The following ADAMTS3 variants were observed in gnomAD, a reference collection of about 807,000 sequenced individuals.
ADAMTS3 encodes A disintegrin and metalloproteinase with thrombospondin motifs 3.
Under a neutral mutation model 129.0 loss-of-function variants are expected in ADAMTS3, and 73 were observed. The observed-to-expected ratio is 0.57, with a 90% CI of 0.47 to 0.69. ADAMTS3 has a LOEUF of 0.69. ADAMTS3 is among the 30% of genes least tolerant of loss of function. The probability of loss-of-function intolerance (pLI) is 0.00; values close to 1 mark genes in which losing one functional copy is unlikely to be tolerated. For synonymous variants in ADAMTS3, 477 were observed against 510.8 expected, an observed-to-expected ratio of 0.93 and a Z score of 0.89; for missense variants, 1,457 against 1,514.5, an observed-to-expected ratio of 0.96 and a Z score of 0.63.
intron 2 of ADAMTS3, among the ~76,000 whole-genome samples, chr4:72,556,749 A>G (rs1441092947): frequency 6.6e-6 from 1 of 151,782 alleles, no homozygotes; most frequent in Non-Finnish European, 1.5e-5. Flanking sequence ...AATAAAAATA[A>G]TAATGGGGAC....
chr4:72,501,697 G>A (rs956875203), intron 3 of ADAMTS3, among the ~76,000 whole-genome samples: 13 of 152,014 alleles, frequency 8.6e-5, no homozygotes, highest in African/African-American at 2.7e-4. Flanking sequence ...GTTCTCAAGG[G>A]GAATGCTTCC....
In ADAMTS3 at chr4:72,317,591, G is replaced by C. The variant is rs552025929; in HGVS notation, c.1485+981C>G. ...TGGATTCCATTTAACATATATACGT[G>C]CCTTTCTTGTGCTAAGCACTTTAAT... is the stretch of plus-strand genomic sequence containing the variant. On this transcript the variant is annotated intron_variant, in intron 10 of 21. Coordinates refer to ENST00000286657, the MANE Select transcript of ADAMTS3 (RefSeq NM_014243.3). Among the ~76,000 whole-genome samples, 3 of 151,666 alleles carry C rather than the reference G, an allele frequency of 2.0e-5. No individual in the cohort carries two copies. The East Asian group carries it at 5.8e-4, about 29-fold the overall frequency.
chr4:72,299,700 AGTT>A (rs904886611), intron 17 of ADAMTS3, among the ~76,000 whole-genome samples: 2 of 152,160 alleles, frequency 1.3e-5, no homozygotes, highest in Non-Finnish European at 1.5e-5. Context: ...TCATGATTTT[AGTT>A]GTTATTTATT....
intron 14 of ADAMTS3, 116 bp downstream of exon 14, chr4:72,310,932 C>T: frequency 2.0e-6 from 2 of 983,890 alleles, no homozygotes; most frequent in Admixed American, 2.8e-5. Flanking sequence ...TATTCATAGA[C>T]ACTTACTATA....
intron 4 of ADAMTS3, among the ~76,000 whole-genome samples, chr4:72,357,046 CA>C (rs1456710972): frequency 6.6e-6 from 1 of 151,696 alleles, no homozygotes; most frequent in Admixed American, 6.6e-5. Context: ...AGATTTTTAA[CA>C]TTGTTAAACA....
intron 3 of ADAMTS3, among the ~76,000 whole-genome samples, chr4:72,489,833 G>A (rs1002655086): frequency 1.3e-5 from 2 of 151,780 alleles, no homozygotes; most frequent in African/African-American, 4.8e-5. Flanking sequence ...CATCCACTGA[G>A]GGTCTCGGAA....
intron 3 of ADAMTS3, among the ~76,000 whole-genome samples, chr4:72,457,224 G>C (rs1448232302): frequency 6.6e-6 from 1 of 151,644 alleles, no homozygotes; most frequent in African/African-American, 2.4e-5. Context: ...TTGCCCATAG[G>C]CATAACCTAC....
At chr4:72,469,691 C>G (rs1719012989) in intron 3 of ADAMTS3, among the ~76,000 whole-genome samples, 1 of 152,082 alleles carries the variant, frequency 6.6e-6, no homozygotes, top group Non-Finnish European at 1.5e-5. Context: ...AACCCTGTGA[C>G]AGCAAGACCA....
chr4:72,477,009 T>G (rs1050499285), intron 3 of ADAMTS3, among the ~76,000 whole-genome samples: 1 of 151,922 alleles, frequency 6.6e-6, no homozygotes, highest in African/African-American at 2.4e-5. Flanking sequence ...CTCAGAAAAA[T>G]AGGAGTAGAA....
chr4:72,389,540 AATC>A (rs200904982), intron 4 of ADAMTS3, among the ~76,000 whole-genome samples: 4,810 of 151,878 alleles, frequency 0.032, 238 homozygotes, highest in African/African-American at 0.11. Flanking sequence ...AAAAAAAAAA[AATC>A]ATACAAACAA....
intron 2 of ADAMTS3, among the ~76,000 whole-genome samples, chr4:72,554,197 T>C (rs571489225): frequency 6.6e-6 from 1 of 152,222 alleles, no homozygotes; most frequent in Non-Finnish European, 1.5e-5. Flanking sequence ...TGTGCAGACA[T>C]ATGCAGTTAA....
chr4:72,301,568 A>G (rs1229138057), intron 17 of ADAMTS3, among the ~76,000 whole-genome samples: 1 of 152,200 alleles, frequency 6.6e-6, no homozygotes, highest in Admixed American at 6.6e-5. Flanking sequence ...AGGAAATCCA[A>G]TAAATAAAAA....
chr4:72,490,527 T>G (rs1479786012), intron 3 of ADAMTS3, among the ~76,000 whole-genome samples: 1 of 151,950 alleles, frequency 6.6e-6, no homozygotes, highest in African/African-American at 2.4e-5. Context: ...GAATTTTGCA[T>G]GCATTGTAAG....
intron 4 of ADAMTS3, among the ~76,000 whole-genome samples, chr4:72,352,778 G>A (rs899990809): frequency 2.0e-5 from 3 of 151,926 alleles, no homozygotes; most frequent in African/African-American, 4.8e-5. Context: ...AATAGGGTGG[G>A]CCCTTCCAGA....
chr4:72,395,203 GTGGGAGCCCAGC>G (rs1721696854), intron 4 of ADAMTS3, among the ~76,000 whole-genome samples: 1 of 152,152 alleles, frequency 6.6e-6, no homozygotes, highest in Admixed American at 6.5e-5. Context: ...GAGATTACAG[GTGGGAGCCCAGC>G]TGCACATATG....
At chr4:72,442,431 G>A (rs1718142213) in intron 3 of ADAMTS3, among the ~76,000 whole-genome samples, 1 of 151,708 alleles carries the variant, frequency 6.6e-6, no homozygotes, top group East Asian at 2.0e-4. Flanking sequence ...AGTGGATGAG[G>A]CATCACATGG....
intron 3 of ADAMTS3, among the ~76,000 whole-genome samples, chr4:72,501,038 A>T (rs909989310): frequency 6.6e-6 from 1 of 152,150 alleles, no homozygotes; most frequent in Admixed American, 6.5e-5. Context: ...GTTTGAGGTC[A>T]GGTAATGTGA....
intron 3 of ADAMTS3, among the ~76,000 whole-genome samples, chr4:72,464,646 A>G (rs1718870248): frequency 6.6e-6 from 1 of 152,054 alleles, no homozygotes; most frequent in Non-Finnish European, 1.5e-5. Context: ...TCCTAGAGAA[A>G]CTATAAATCT....
chr4:72,361,023 G>A (rs761076068), intron 4 of ADAMTS3, among the ~76,000 whole-genome samples: 2 of 152,020 alleles, frequency 1.3e-5, no homozygotes, highest in African/African-American at 2.4e-5. Context: ...CGGGGTTATC[G>A]GAATGAGCAG....
Sources: allele counts gnomAD v4.1 joint callset (sites outside exome capture counted in the v4.1 genomes callset), GRCh38; gene constraint gnomAD v4.1.1; transcripts MANE v1.5; gene names NCBI Gene and HGNC (gene_info 2026-07-23, HGNC 2026-07-21).